The following QPCT variants were observed in gnomAD, a reference collection of about 807,000 sequenced individuals.
QPCT encodes the protein glutaminyl-peptide cyclotransferase, also known as EC.
A neutral mutation model predicts 43.4 loss-of-function variants in QPCT; 44 were observed. The ratio of observed to expected loss-of-function variants is 1.01; its 90% CI spans 0.80 to 1.30. The LOEUF is 1.30. QPCT is among the 50% of genes most tolerant of loss of function. The pLI, the probability that QPCT is intolerant of heterozygous loss-of-function variation, is 0.00. For synonymous variants in QPCT, 168 were observed against 168.4 expected, an observed-to-expected ratio of 1.00 and a Z score of 0.02; for missense variants, 526 against 436.5, an observed-to-expected ratio of 1.21 and a Z score of -1.83.
intron 4 of QPCT, 95 bp from the exon 5 acceptor site, chr2:37,369,590 G>A: frequency 1.1e-6 from 1 of 907,514 alleles, no homozygotes; most frequent in Non-Finnish European, 1.8e-6. Flanking sequence ...CTCAATTACT[G>A]AAATGCAGTT....
chr2:37,369,935 TAGGGTC>T, intron 5 of QPCT, 151 bp downstream of exon 5: 1 of 687,874 alleles, frequency 1.5e-6, no homozygotes, highest in East Asian at 2.7e-5. Context: ...GCAGATCAGC[TAGGGTC>T]AGGAGTTTGA....
rs1673112558 is a variant in QPCT, at chr2:37,372,915, C to A, written c.*88C>A. 1.7e-6 allele frequency: 2 copies of A among 1,205,332 alleles called. No individual in the cohort carries two copies. The highest frequency in any genetic ancestry group is 2.3e-6 in the Non-Finnish European group (2 of 867,974). The allele number at this position is 1,205,332 out of a possible 1,614,324, so 74.7% of individuals were successfully genotyped here. On this transcript the variant is annotated 3_prime_UTR_variant, in exon 7 of 7. Coordinates refer to ENST00000338415, the MANE Select transcript of QPCT (RefSeq NM_012413.4). ...AAAATAATCTGATTTCAGACAAATG[C>A]TGTGTGGAAACATCTATCCTATAGA...
chr2:37,370,877 T>C (rs1673057955), intron 5 of QPCT, among the ~76,000 whole-genome samples: 1 of 152,176 alleles, frequency 6.6e-6, no homozygotes, highest in African/African-American at 2.4e-5. Flanking sequence ...AAAATGAGAT[T>C]GATCTTTATT....
intron 3 of QPCT, among the ~76,000 whole-genome samples, chr2:37,362,652 T>C (rs1445462891): frequency 6.6e-6 from 1 of 152,180 alleles, no homozygotes; most frequent in Non-Finnish European, 1.5e-5. Context: ...AACCACAATA[T>C]GAAGACAGAA....
chr2:37,356,214 A>C (rs1672742035), intron 2 of QPCT, among the ~76,000 whole-genome samples: 1 of 152,168 alleles, frequency 6.6e-6, no homozygotes, highest in Non-Finnish European at 1.5e-5. Flanking sequence ...CACTCTTTGG[A>C]AGTAGACTAT....
chr2:37,345,534 T>C (rs191800692), intron 1 of QPCT, among the ~76,000 whole-genome samples: 2 of 152,276 alleles, frequency 1.3e-5, no homozygotes, highest in African/African-American at 4.8e-5. Flanking sequence ...AAGTTCCCTC[T>C]GTAAGAAGTG....
intron 1 of QPCT, among the ~76,000 whole-genome samples, chr2:37,347,682 ACTT>A (rs1220227992): frequency 6.6e-6 from 1 of 152,088 alleles, no homozygotes; most frequent in Non-Finnish European, 1.5e-5. Flanking sequence ...TTCCAGAGTT[ACTT>A]CTTCTGAATC....
intron 6 of QPCT, 59 bp from the exon 7 acceptor site, chr2:37,372,623 C>A (rs754150713): frequency 1.3e-6 from 2 of 1,563,084 alleles, no homozygotes; most frequent in Non-Finnish European, 1.8e-6. Flanking sequence ...AAGAATGACC[C>A]TTTCTAGTTT....
At chr2:37,358,179 G>A (rs752270147) in intron 2 of QPCT, among the ~76,000 whole-genome samples, 7 of 150,348 alleles carry the variant, frequency 4.7e-5, no homozygotes, top group Admixed American at 1.3e-4. Flanking sequence ...TTGGGAGGCC[G>A]AGGCGGATGG....
At chr2:37,370,581 A>G (rs923870501) in intron 5 of QPCT, among the ~76,000 whole-genome samples, 3 of 152,136 alleles carry the variant, frequency 2.0e-5, no homozygotes, top group Non-Finnish European at 4.4e-5. Context: ...TTATCCAGAT[A>G]TTATTTTCCT....
intron 1 of QPCT, among the ~76,000 whole-genome samples, chr2:37,348,288 G>A (rs1055462198): frequency 6.6e-6 from 1 of 152,172 alleles, no homozygotes; most frequent in Non-Finnish European, 1.5e-5. Context: ...AAGCGAGGGA[G>A]CTGAGATTTC....
chr2:37,359,903 C>G, intron 3 of QPCT, 45 bp downstream of exon 3: 1 of 1,565,606 alleles, frequency 6.4e-7, no homozygotes, highest in Non-Finnish European at 8.7e-7. Flanking sequence ...AGTACATTAA[C>G]AGTAACTCAG....
intron 1 of QPCT, 25 bp downstream of exon 1, chr2:37,344,876 G>C (rs1672447575): frequency 6.4e-7 from 1 of 1,557,558 alleles, no homozygotes; most frequent in Non-Finnish European, 8.7e-7. Flanking sequence ...CTGCGTAGTT[G>C]TACTTGAGCG....
At chr2:37,345,934 C>T (rs1341014874) in intron 1 of QPCT, among the ~76,000 whole-genome samples, 1 of 151,528 alleles carries the variant, frequency 6.6e-6, no homozygotes, top group Non-Finnish European at 1.5e-5. Flanking sequence ...CATGAAATTG[C>T]TAAGGGATTG....
intron 3 of QPCT, among the ~76,000 whole-genome samples, chr2:37,360,398 G>A (rs1672838598): frequency 6.6e-6 from 1 of 152,078 alleles, no homozygotes; most frequent in African/African-American, 2.4e-5. Flanking sequence ...GCATAGCAGA[G>A]CTTTTGTTAT....
chr2:37,349,258 C>T (rs1477871936), intron 1 of QPCT, among the ~76,000 whole-genome samples: 1 of 152,062 alleles, frequency 6.6e-6, no homozygotes, highest in East Asian at 1.9e-4. Flanking sequence ...TGGTTGAGCC[C>T]AGGAGGTTGA....
chr2:37,366,719 G>A (rs1183390339), intron 3 of QPCT, among the ~76,000 whole-genome samples: 1 of 152,218 alleles, frequency 6.6e-6, no homozygotes, highest in Non-Finnish European at 1.5e-5. Flanking sequence ...GGAAGAAGTC[G>A]AGCTGCAGTG....
At chr2:37,349,794 C>T (rs1672581036) in intron 1 of QPCT, among the ~76,000 whole-genome samples, 1 of 151,078 alleles carries the variant, frequency 6.6e-6, no homozygotes, top group African/African-American at 2.4e-5. Context: ...TTTATGCTTG[C>T]TTGTGCATTC....
intron 1 of QPCT, among the ~76,000 whole-genome samples, chr2:37,346,829 G>T (rs941048113): frequency 3.5e-4 from 53 of 151,956 alleles, no homozygotes; most frequent in African/African-American, 1.3e-3. Flanking sequence ...ACTTTTTATG[G>T]TGTTCGACTA....
Sources: allele counts gnomAD v4.1 joint callset (sites outside exome capture counted in the v4.1 genomes callset), GRCh38; gene constraint gnomAD v4.1.1; transcripts MANE v1.5; gene names NCBI Gene and HGNC (gene_info 2026-07-23, HGNC 2026-07-21).